Variants in KIF13A observed in about 807,000 individuals in gnomAD.
The protein encoded by KIF13A is kinesin family member 13A, also known as kinesin-like protein KIF13A.
In KIF13A, 79 loss-of-function variants were observed where a neutral mutation model predicts 212.2. The ratio of observed to expected loss-of-function variants is 0.37; its 90% CI spans 0.31 to 0.45. The LOEUF is 0.45. KIF13A is among the 20% of genes least tolerant of loss of function. KIF13A has a pLI of 1.00. For missense variants in KIF13A, 1,901 were observed against 2,209.0 expected, an observed-to-expected ratio of 0.86 and a Z score of 2.79; for synonymous variants, 789 against 808.6, an observed-to-expected ratio of 0.98 and a Z score of 0.41.
intron 2 of KIF13A, among the ~76,000 whole-genome samples, chr6:17,903,518 T>C (rs541233880): frequency 4.6e-5 from 7 of 152,162 alleles, no homozygotes; most frequent in Non-Finnish European, 1.0e-4. Context: ...TACACAATTA[T>C]CAGAGAAAAA....
At chr6:17,974,592 T>G (rs976496977) in intron 2 of KIF13A, among the ~76,000 whole-genome samples, 2 of 130,540 alleles carry the variant, frequency 1.5e-5, no homozygotes, top group Admixed American at 7.3e-5. Context: ...TAAAATGGAG[T>G]TTTTTTTAGA....
intron 2 of KIF13A, among the ~76,000 whole-genome samples, chr6:17,975,921 G>C (rs565972139): frequency 1.4e-4 from 21 of 150,424 alleles, no homozygotes; most frequent in Admixed American, 1.2e-3. Context: ...CCTTGAGCTA[G>C]ACATAAAGGT....
intron 2 of KIF13A, among the ~76,000 whole-genome samples, chr6:17,941,068 G>A (rs528467670): frequency 3.9e-5 from 6 of 151,968 alleles, no homozygotes; most frequent in South Asian, 4.1e-4. Flanking sequence ...CAGGTGATCC[G>A]CCTGCCTGGG....
intron 2 of KIF13A, among the ~76,000 whole-genome samples, chr6:17,957,585 C>A (rs971984722): frequency 6.6e-6 from 1 of 152,198 alleles, no homozygotes; most frequent in African/African-American, 2.4e-5. Flanking sequence ...GAAGCCCAGA[C>A]TTGTGACTGA....
At chr6:17,957,235 A>G (rs2150580494) in intron 2 of KIF13A, among the ~76,000 whole-genome samples, 1 of 152,226 alleles carries the variant, frequency 6.6e-6, no homozygotes, top group East Asian at 1.9e-4. Flanking sequence ...AGACCTCCAT[A>G]AAAACCCTCA....
chr6:17,807,729 C>A (rs558886235), intron 18 of KIF13A, among the ~76,000 whole-genome samples: 1 of 145,204 alleles, frequency 6.9e-6, no homozygotes, highest in Admixed American at 6.7e-5. Context: ...CCTTTTGAAA[C>A]CCTCAATAAA....
chr6:17,928,341 C>T (rs1775678794), intron 2 of KIF13A, among the ~76,000 whole-genome samples: 3 of 152,110 alleles, frequency 2.0e-5, no homozygotes, highest in Admixed American at 2.0e-4. Context: ...TTCAAGGAAA[C>T]CTTTCCACAC....
chr6:17,766,131 C>T (rs1758934795), intron 38 of KIF13A, among the ~76,000 whole-genome samples: 1 of 152,192 alleles, frequency 6.6e-6, no homozygotes, highest in South Asian at 2.1e-4. Flanking sequence ...ACAATTAGAA[C>T]TACTAGGTGC....
chr6:17,941,254 G>C (rs1776935208), intron 2 of KIF13A, among the ~76,000 whole-genome samples: 1 of 152,178 alleles, frequency 6.6e-6, no homozygotes, highest in South Asian at 2.1e-4. Flanking sequence ...ATTTAAAATA[G>C]CCTGGTGCTA....
chr6:17,798,794 T>C (rs569681264), intron 22 of KIF13A, among the ~76,000 whole-genome samples: 2 of 152,248 alleles, frequency 1.3e-5, no homozygotes, highest in East Asian at 3.8e-4. Context: ...AAACTCTATA[T>C]GAAACATATC....
chr6:17,981,960 A>G (rs1336901611), intron 2 of KIF13A, among the ~76,000 whole-genome samples: 1 of 152,194 alleles, frequency 6.6e-6, no homozygotes, highest in Non-Finnish European at 1.5e-5. Flanking sequence ...TGGCGGAGGA[A>G]GCCAGCTTAG....
chr6:17,890,559 A>AC (rs1771951592), intron 3 of KIF13A, among the ~76,000 whole-genome samples: 1 of 151,684 alleles, frequency 6.6e-6, no homozygotes, highest in East Asian at 1.9e-4. Flanking sequence ...CCTCTGCACC[A>AC]CCTCCTGCCA....
chr6:17,783,645 C>T lies in KIF13A; in HGVS notation c.3544+1G>A, dbSNP rs1262158868. 1 of 1,564,694 alleles carries T rather than the reference C, an allele frequency of 6.4e-7. No individual in the cohort carries two copies. Among genetic ancestry groups the T allele is most frequent in the South Asian group, 1.2e-5 (1 of 85,874 alleles). On this transcript the variant is annotated splice_donor_variant, in intron 29 of 38. Coordinates refer to ENST00000259711, the MANE Select transcript of KIF13A (RefSeq NM_022113.6). LOFTEE classifies it high-confidence loss of function. The surrounding 1 kb of genome is among the most constrained non-coding windows in gnomAD (Gnocchi z 4.3). ...CCCTGTGACTTTAAGTGTCTACTTA[C>T]CATTCAAATCGAGGAAGAGAACTGG...
At chr6:17,946,483 C>A (rs984209472) in intron 2 of KIF13A, among the ~76,000 whole-genome samples, 5 of 151,184 alleles carry the variant, frequency 3.3e-5, no homozygotes, top group Admixed American at 2.6e-4. Flanking sequence ...AAAAAGAGAG[C>A]AGGTGCTTTT....
chr6:17,905,824 C>T (rs1397872568), intron 2 of KIF13A, among the ~76,000 whole-genome samples: 1 of 152,178 alleles, frequency 6.6e-6, no homozygotes, highest in Non-Finnish European at 1.5e-5. Flanking sequence ...AGCAGTTAGA[C>T]TACAGTTAGC....
At chr6:17,953,159 C>T (rs187159680) in intron 2 of KIF13A, among the ~76,000 whole-genome samples, 44 of 152,060 alleles carry the variant, frequency 2.9e-4, no homozygotes, top group Non-Finnish European at 3.7e-4. Context: ...TTAAAAAGAA[C>T]GAGGTAGACA....
chr6:17,779,040 G>A lies in KIF13A; in HGVS notation c.3999C>T (p.Asn1333=), dbSNP rs186161009. 3,097 of 1,613,460 alleles carry A rather than the reference G, an allele frequency of 1.9e-3. 7 individuals are homozygous for A. The highest frequency in any genetic ancestry group is 2.4e-3 in the Non-Finnish European group (2,888 of 1,179,766). ...ACGTCTCCCCATCTGATGTGCCTTC[G>A]TTTTCACTCCTTGCTGCCAGGAGAG... The part of the protein sequence containing the change: ...TLALLAARSE[N]EGTSDGETYI... The change falls in exon 33 of 39, where the codon AAC becomes AAT. Residue 1333 remains asparagine (N), a synonymous_variant. Transcript: ENST00000259711.
At chr6:17,863,277 T>G (rs1208903136) in intron 4 of KIF13A, among the ~76,000 whole-genome samples, 1 of 151,958 alleles carries the variant, frequency 6.6e-6, no homozygotes, top group African/African-American at 2.4e-5. Context: ...GGGTGTGTGT[T>G]TGTGTGTGCA....
chr6:17,965,667 T>G (rs764650314), intron 2 of KIF13A, among the ~76,000 whole-genome samples: 5 of 152,258 alleles, frequency 3.3e-5, no homozygotes, highest in Non-Finnish European at 5.9e-5. Context: ...TGTGTGATGT[T>G]AAATCTCATT....
Sources: allele counts gnomAD v4.1 joint callset (sites outside exome capture counted in the v4.1 genomes callset), GRCh38; gene constraint gnomAD v4.1.1; non-coding constraint Gnocchi (gnomAD v3.1); transcripts MANE v1.5; gene names NCBI Gene and HGNC (gene_info 2026-07-23, HGNC 2026-07-21).